MSRB3: variants seen among roughly 807,000 people sequenced by gnomAD.
The protein encoded by MSRB3 is methionine sulfoxide reductase B3, also known as methionine-R-sulfoxide reductase B3.
Under a neutral mutation model 21.0 loss-of-function variants are expected in MSRB3, and 13 were observed. The ratio of observed to expected loss-of-function variants is 0.62; its 90% CI spans 0.40 to 0.98. The LOEUF is 0.98. Ranked by LOEUF, MSRB3 falls within the 50% of genes least tolerant of loss-of-function variation. The pLI is 0.00. For synonymous variants in MSRB3, 87 were observed against 88.6 expected (o/e 0.98, Z 0.10); for missense variants, 199 against 230.3 (o/e 0.86, Z 0.88).
chr12:65,294,078 C>T (rs1872812068), intron 1 of MSRB3, among the ~76,000 whole-genome samples: 2 of 152,258 alleles, frequency 1.3e-5, no homozygotes, highest in South Asian at 2.1e-4. Context: ...CCAGGCAGTG[C>T]CCCCAGTATT....
intron 4 of MSRB3, among the ~76,000 whole-genome samples, chr12:65,343,836 A>G (rs999179837): frequency 6.6e-6 from 1 of 152,024 alleles, no homozygotes; most frequent in Non-Finnish European, 1.5e-5. Context: ...TCTGGTAGCT[A>G]TCACACTCTG....
chr12:65,359,345 T>A (rs1349633970), intron 4 of MSRB3, among the ~76,000 whole-genome samples: 1 of 152,054 alleles, frequency 6.6e-6, no homozygotes, highest in African/African-American at 2.4e-5. Flanking sequence ...TGTCAGTAAT[T>A]GTGTCTAGAA....
chr12:65,453,925 A>C (rs1464232430), intron 6 of MSRB3, 100 bp downstream of exon 6: 2 of 962,272 alleles, frequency 2.1e-6, no homozygotes, highest in Middle Eastern at 2.1e-4. Flanking sequence ...CAAGAAGGAC[A>C]GACAAGCATG....
chr12:65,457,958 C>T (rs1883165945), intron 6 of MSRB3, among the ~76,000 whole-genome samples: 1 of 152,042 alleles, frequency 6.6e-6, no homozygotes, highest in Non-Finnish European at 1.5e-5. Flanking sequence ...ATTTACGTGG[C>T]TTGTCTTTTC....
At chr12:65,328,250 T>G (rs953490365) in intron 3 of MSRB3, among the ~76,000 whole-genome samples, 1 of 152,174 alleles carries the variant, frequency 6.6e-6, no homozygotes, top group African/African-American at 2.4e-5. Flanking sequence ...TACAGGCTTT[T>G]TTTTTTAATA....
chr12:65,393,121 AT>A (rs924036891), intron 5 of MSRB3, among the ~76,000 whole-genome samples: 51 of 148,946 alleles, frequency 3.4e-4, no homozygotes, highest in East Asian at 2.4e-3. Context: ...GTTGGAATTC[AT>A]TTTTTTTTCT....
At position 65,308,537 on chromosome 12, in the gene MSRB3, C is replaced by T; in HGVS notation, c.-43C>T. On this transcript the variant is annotated 5_prime_UTR_variant, in exon 2 of 7. Coordinates refer to ENST00000308259, the MANE Select transcript of MSRB3 (RefSeq NM_001031679.3). ...TTTTTTCTCCTACTCAGCTCTTGCC[C>T]CTGTTCTTTGCTTCTCGTTTTGTTG... The T allele has an allele frequency of 6.2e-7, 1 of 1,613,602 alleles. No individual in the cohort carries two copies. The highest frequency in any genetic ancestry group is 8.5e-7 in the Non-Finnish European group (1 of 1,179,742).
chr12:65,378,196 G>A (rs376724590), intron 5 of MSRB3, among the ~76,000 whole-genome samples: 1 of 152,010 alleles, frequency 6.6e-6, no homozygotes, highest in East Asian at 1.9e-4. Flanking sequence ...GATAGTTTTT[G>A]GATAAATGAT....
At chr12:65,436,158 C>T (rs1197797704) in intron 5 of MSRB3, among the ~76,000 whole-genome samples, 2 of 151,660 alleles carry the variant, frequency 1.3e-5, no homozygotes, top group African/African-American at 2.4e-5. Flanking sequence ...GAAAAAAATC[C>T]GTATTTTATT....
intron 5 of MSRB3, among the ~76,000 whole-genome samples, chr12:65,402,303 A>G (rs1037494706): frequency 6.6e-6 from 1 of 152,032 alleles, no homozygotes; most frequent in Admixed American, 6.6e-5. Context: ...GGAGGCTTTG[A>G]TCATTCCTTT....
chr12:65,383,108 A>G (rs1879031219), intron 5 of MSRB3, among the ~76,000 whole-genome samples: 1 of 152,234 alleles, frequency 6.6e-6, no homozygotes, highest in African/African-American at 2.4e-5. Context: ...TTAAAATGAT[A>G]TAAATTTTTA....
At chr12:65,448,557 C>T (rs1232544500) in intron 5 of MSRB3, among the ~76,000 whole-genome samples, 2 of 151,938 alleles carry the variant, frequency 1.3e-5, no homozygotes, top group Non-Finnish European at 1.5e-5. Context: ...TGGAAATGTT[C>T]TATGTCTGTG....
At chr12:65,331,860 T>C (rs1875445152) in intron 4 of MSRB3, among the ~76,000 whole-genome samples, 1 of 152,226 alleles carries the variant, frequency 6.6e-6, no homozygotes, top group Non-Finnish European at 1.5e-5. Flanking sequence ...CTAGAGAAGC[T>C]GCCCACATTG....
At chr12:65,377,940 G>C (rs1289374164) in intron 5 of MSRB3, among the ~76,000 whole-genome samples, 1 of 152,224 alleles carries the variant, frequency 6.6e-6, no homozygotes, top group Non-Finnish European at 1.5e-5. Flanking sequence ...TGCCATCACA[G>C]TGTGGAAGGA....
intron 4 of MSRB3, among the ~76,000 whole-genome samples, chr12:65,364,011 A>G (rs1401269009): frequency 6.6e-6 from 1 of 151,962 alleles, no homozygotes; most frequent in Non-Finnish European, 1.5e-5. Context: ...AAACAAAATA[A>G]CAGTTGGAGA....
In MSRB3 at chr12:65,401,349, C is replaced by T. The variant is rs141811059; in HGVS notation, c.292+32323C>T. On this transcript the variant is annotated intron_variant, in intron 5 of 6. Coordinates refer to ENST00000308259, the MANE Select transcript of MSRB3 (RefSeq NM_001031679.3). ...TTAGCTCTTCTTGTTGCATTGATTCCTTTACGATTATGTAATGCCCTTCTA... is the reference window on the plus strand; with the variant it reads ...TTAGCTCTTCTTGTTGCATTGATTCTTTTACGATTATGTAATGCCCTTCTA... Among the ~76,000 whole-genome samples the T allele has an allele frequency of 3.2e-3, 493 of 152,252 alleles. 5 individuals carry two copies. The highest frequency in any genetic ancestry group is 0.011 in the African/African-American group (461 of 41,532).
chr12:65,398,718 T>A (rs1879951938), intron 5 of MSRB3, among the ~76,000 whole-genome samples: 1 of 152,214 alleles, frequency 6.6e-6, no homozygotes, highest in African/African-American at 2.4e-5. Flanking sequence ...TAGATTTCCT[T>A]CTAGTGTTTT....
intron 4 of MSRB3, among the ~76,000 whole-genome samples, chr12:65,330,777 G>A (rs1042146038): frequency 5.9e-5 from 9 of 152,094 alleles, no homozygotes; most frequent in African/African-American, 1.4e-4. Context: ...TAGTGAAATC[G>A]TATTTCACCT....
At chr12:65,351,437 G>A (rs1159822342) in intron 4 of MSRB3, among the ~76,000 whole-genome samples, 67 of 142,646 alleles carry the variant, frequency 4.7e-4, no homozygotes, top group African/African-American at 1.7e-3. Flanking sequence ...TCAAAAGCTA[G>A]CAGAAGGCAA....
Sources: gnomAD v4.1 joint callset for allele counts (sites outside exome capture counted in the v4.1 genomes callset) on GRCh38, gnomAD v4.1.1 for gene constraint, MANE v1.5 for transcripts, NCBI Gene and HGNC (gene_info 2026-07-23, HGNC 2026-07-21) for gene names.